Variants in VWA3B observed in about 807,000 individuals in gnomAD.
VWA3B encodes von Willebrand factor A domain-containing protein 3B.
A neutral mutation model predicts 158.3 loss-of-function variants in VWA3B; 138 were observed. That is an observed-to-expected ratio of 0.87 (90% CI 0.76 to 1.00). The LOEUF is 1.00. Among genes scored for constraint, VWA3B ranks in the 50% least tolerant of loss-of-function variants. The pLI is 0.00. For missense variants in VWA3B, 1,555 were observed against 1,565.1 expected, an observed-to-expected ratio of 0.99 and a Z score of 0.11; for synonymous variants, 596 against 587.3, an observed-to-expected ratio of 1.01 and a Z score of -0.21.
the VWA3B span, among the ~76,000 whole-genome samples, chr2:98,319,052 A>G: frequency 6.6e-6 from 1 of 152,228 alleles, no homozygotes; most frequent in Non-Finnish European, 1.5e-5. Flanking sequence ...GAACCTGAGG[A>G]TACAGAGGAC....
At chr2:98,212,808 A>G (rs1378675560) in intron 13 of VWA3B, among the ~76,000 whole-genome samples, 2 of 75,968 alleles carry the variant, frequency 2.6e-5, no homozygotes, top group Non-Finnish European at 2.5e-5. Context: ...AAATTTATTT[A>G]AAATTTTTTT....
At chr2:98,315,085 A>G (rs558818176), downstream of VWA3B, among the ~76,000 whole-genome samples, 4 of 152,206 alleles carry the variant, frequency 2.6e-5, no homozygotes, top group Admixed American at 6.5e-5. Flanking sequence ...TATATATATG[A>G]AAGACTTTCT....
rs1438429328 is a variant in VWA3B, at chr2:98,138,337, A to C, written c.988+4398A>C. On this transcript the variant is annotated intron_variant, in intron 7 of 27. Transcript: ENST00000477737. ...GCATACAAGCCATAGACAGGACAGT[A>C]CCTTTTAATGGTAATTTGGGAAGGT... is the stretch of plus-strand genomic sequence containing the variant. 1.6e-4 allele frequency among the ~76,000 whole-genome samples: 24 copies of C among 152,338 alleles called. No homozygotes were observed. In the East Asian group the frequency reaches 3.3e-3, roughly 21 times the overall value.
intron 21 of VWA3B, among the ~76,000 whole-genome samples, chr2:98,260,405 T>C (rs1253891205): frequency 6.6e-6 from 1 of 151,098 alleles, no homozygotes; most frequent in African/African-American, 2.4e-5. Flanking sequence ...TAAAAAATAT[T>C]AAAAAAAAGA....
chr2:98,252,433 C>T (rs1259618120), intron 20 of VWA3B, among the ~76,000 whole-genome samples: 1 of 152,036 alleles, frequency 6.6e-6, no homozygotes, highest in Non-Finnish European at 1.5e-5. Context: ...TATAATTACC[C>T]GGCCTGTGAA....
In VWA3B at chr2:98,139,166, G is replaced by A. The variant is rs905736466; in HGVS notation, c.988+5227G>A. Among the ~76,000 whole-genome samples the A allele has an allele frequency of 3.5e-4, 54 of 152,242 alleles. 2 individuals are homozygous for A. Among genetic ancestry groups the A allele is most frequent in the Non-Finnish European group, 1.2e-4 (8 of 68,024 alleles). On this transcript the variant is annotated intron_variant, in intron 7 of 27. Transcript: ENST00000477737. Reference sequence around the variant, plus strand: ...ACCCAGGCCAGCAGCTGCGGAGGGTGTACTGGGTCCCCCAGCAGTGCCGGC... The same window carrying A: ...ACCCAGGCCAGCAGCTGCGGAGGGTATACTGGGTCCCCCAGCAGTGCCGGC...
At chr2:98,283,949 C>A (rs1177362222) in intron 22 of VWA3B, among the ~76,000 whole-genome samples, 1 of 152,210 alleles carries the variant, frequency 6.6e-6, no homozygotes, top group African/African-American at 2.4e-5. Flanking sequence ...CCATTTTGAA[C>A]CTTGCATTAG....
chr2:98,247,456 T>C (rs555894439), intron 19 of VWA3B, among the ~76,000 whole-genome samples: 31 of 152,194 alleles, frequency 2.0e-4, no homozygotes, highest in Non-Finnish European at 4.3e-4. Flanking sequence ...TTAGGACATG[T>C]AATCTTTTTT....
chr2:98,220,886 C>T (rs1019873039), intron 14 of VWA3B, among the ~76,000 whole-genome samples: 2 of 152,078 alleles, frequency 1.3e-5, no homozygotes, highest in East Asian at 1.9e-4. Context: ...AACCACACAC[C>T]GCATGTTCTC....
intron 8 of VWA3B, among the ~76,000 whole-genome samples, chr2:98,172,000 A>G (rs1038522333): frequency 6.6e-5 from 10 of 152,222 alleles, no homozygotes; most frequent in African/African-American, 1.7e-4. Context: ...CCCCGTGCCA[A>G]TGTCTAGGAG....
At chr2:98,195,908 A>G (rs1051401382) in intron 12 of VWA3B, among the ~76,000 whole-genome samples, 1 of 152,242 alleles carries the variant, frequency 6.6e-6, no homozygotes, top group African/African-American at 2.4e-5. Flanking sequence ...TGTGGCATAT[A>G]TACACAATGG....
chr2:98,186,034 C>T (rs905636273), intron 9 of VWA3B, among the ~76,000 whole-genome samples: 4 of 152,162 alleles, frequency 2.6e-5, no homozygotes, highest in African/African-American at 9.7e-5. Context: ...AACTCCCCCA[C>T]TTCCACCTCT....
At chr2:98,270,332 C>T (rs1688119151) in intron 21 of VWA3B, among the ~76,000 whole-genome samples, 1 of 152,072 alleles carries the variant, frequency 6.6e-6, no homozygotes, top group Non-Finnish European at 1.5e-5. Context: ...CTTTGAAGCC[C>T]ATGTTTGGTT....
At chr2:98,330,098 G>T in the VWA3B span, among the ~76,000 whole-genome samples, 2 of 152,186 alleles carry the variant, frequency 1.3e-5, no homozygotes, top group African/African-American at 2.4e-5. Flanking sequence ...TCTCACGTGG[G>T]TCTCCTGGCA....
intron 20 of VWA3B, among the ~76,000 whole-genome samples, chr2:98,254,550 A>G (rs1056969468): frequency 1.3e-5 from 2 of 152,154 alleles, no homozygotes; most frequent in African/African-American, 4.8e-5. Context: ...CAAACATCTC[A>G]AGTGAGACAG....
chr2:98,170,935 C>T (rs1446018226), intron 8 of VWA3B, among the ~76,000 whole-genome samples: 1 of 152,150 alleles, frequency 6.6e-6, no homozygotes, highest in East Asian at 1.9e-4. Context: ...TCTGCCCACT[C>T]CTGTTGTGTG....
intron 7 of VWA3B, among the ~76,000 whole-genome samples, chr2:98,159,544 C>T (rs530547139): frequency 1.8e-4 from 27 of 152,180 alleles, no homozygotes; most frequent in Middle Eastern, 3.4e-3. Flanking sequence ...CCACTGCGCC[C>T]GGCCTTCAAA....
intron 8 of VWA3B, among the ~76,000 whole-genome samples, chr2:98,163,656 A>C (rs1318141781): frequency 6.6e-6 from 1 of 152,208 alleles, no homozygotes; most frequent in Non-Finnish European, 1.5e-5. Context: ...CAACATGGAC[A>C]AGTGGGGATT....
chr2:98,227,358 A>G (rs1684999768), intron 14 of VWA3B, among the ~76,000 whole-genome samples: 1 of 152,198 alleles, frequency 6.6e-6, no homozygotes, highest in Non-Finnish European at 1.5e-5. Context: ...GGACCTTAAC[A>G]TCACAAACCA....
Sources: gnomAD v4.1 joint callset for allele counts (sites outside exome capture counted in the v4.1 genomes callset) on GRCh38, gnomAD v4.1.1 for gene constraint, MANE v1.5 for transcripts, NCBI Gene and HGNC (gene_info 2026-07-23, HGNC 2026-07-21) for gene names.